MAML3: variants seen among roughly 807,000 people sequenced by gnomAD.
MAML3 encodes the protein mastermind-like protein 3.
Under a neutral mutation model 101.9 loss-of-function variants are expected in MAML3, and 27 were observed. The observed-to-expected ratio is 0.27, with a 90% CI of 0.20 to 0.37. The LOEUF is 0.37. Among genes scored for constraint, MAML3 ranks in the 10% least tolerant of loss-of-function variants. The probability of loss-of-function intolerance (pLI) is 1.00; values close to 1 mark genes in which losing one functional copy is unlikely to be tolerated. For synonymous variants in MAML3, 501 were observed against 555.9 expected (o/e 0.90, Z 1.39); for missense variants, 1,316 against 1,444.9 (o/e 0.91, Z 1.45).
At chr4:140,124,873 T>A (rs901435299) in intron 1 of MAML3, among the ~76,000 whole-genome samples, 13 of 152,286 alleles carry the variant, frequency 8.5e-5, no homozygotes, top group Admixed American at 8.5e-4. Flanking sequence ...AATTCCAGTA[T>A]CTGAAACTCA....
chr4:140,044,739 G>A (rs990761541), intron 1 of MAML3, among the ~76,000 whole-genome samples: 2 of 152,142 alleles, frequency 1.3e-5, no homozygotes, highest in East Asian at 3.8e-4. Flanking sequence ...GGACATGTGT[G>A]AACTGACGTC....
intron 1 of MAML3, among the ~76,000 whole-genome samples, chr4:140,092,307 C>T (rs1728074012): frequency 6.6e-6 from 1 of 151,902 alleles, no homozygotes; most frequent in African/African-American, 2.4e-5. Flanking sequence ...ATCATTCTAC[C>T]AGAATCAAGG....
At chr4:140,137,289 AAAG>A (rs1242571738) in intron 1 of MAML3, among the ~76,000 whole-genome samples, 2 of 152,218 alleles carry the variant, frequency 1.3e-5, no homozygotes, top group Non-Finnish European at 2.9e-5. Context: ...CGCCCGGCCT[AAAG>A]AAGATTTTTT....
At chr4:139,764,819 G>A (rs1729824716) in intron 2 of MAML3, among the ~76,000 whole-genome samples, 1 of 152,216 alleles carries the variant, frequency 6.6e-6, no homozygotes. Flanking sequence ...GAGAGCAGCA[G>A]GGGCCACAGG....
intron 2 of MAML3, among the ~76,000 whole-genome samples, chr4:139,795,889 T>C (rs1259836877): frequency 6.6e-6 from 1 of 152,214 alleles, no homozygotes; most frequent in Non-Finnish European, 1.5e-5. Context: ...CACATGTAAA[T>C]ACACACATTC....
chr4:140,118,165 T>G (rs1025047871), intron 1 of MAML3, among the ~76,000 whole-genome samples: 2 of 140,794 alleles, frequency 1.4e-5, no homozygotes, highest in Non-Finnish European at 1.6e-5. Flanking sequence ...TGTGGGTTTG[T>G]TTTTTTTTTT....
intron 1 of MAML3, among the ~76,000 whole-genome samples, chr4:139,919,000 T>C (rs530672465): frequency 1.3e-5 from 2 of 152,290 alleles, no homozygotes; most frequent in East Asian, 3.9e-4. Context: ...AAAGACATTA[T>C]CCATGTCTCT....
chr4:140,097,301 C>A (rs1052389511), intron 1 of MAML3, among the ~76,000 whole-genome samples: 5 of 152,190 alleles, frequency 3.3e-5, no homozygotes, highest in African/African-American at 1.2e-4. Flanking sequence ...AACCCACTCT[C>A]CTCAGTCTCT....
At chr4:139,843,979 T>G (rs143252218) in intron 2 of MAML3, among the ~76,000 whole-genome samples, 1 of 152,336 alleles carries the variant, frequency 6.6e-6, no homozygotes, top group Non-Finnish European at 1.5e-5. Context: ...CATTTTTAAA[T>G]TATAATGACT....
At chr4:139,865,051 T>C (rs4863695) in intron 2 of MAML3, among the ~76,000 whole-genome samples, 8 of 150,840 alleles carry the variant, frequency 5.3e-5, no homozygotes, top group Non-Finnish European at 1.2e-4. Flanking sequence ...AATTATAATG[T>C]TGAAATATCA....
chr4:139,907,542 T>G (rs1732842238), intron 1 of MAML3, among the ~76,000 whole-genome samples: 1 of 152,228 alleles, frequency 6.6e-6, no homozygotes, highest in African/African-American at 2.4e-5. Context: ...CACAATTATC[T>G]TTTATAAAAA....
intron 1 of MAML3, among the ~76,000 whole-genome samples, chr4:140,052,736 T>C (rs774179781): frequency 1.3e-5 from 2 of 152,124 alleles, no homozygotes; most frequent in African/African-American, 4.8e-5. Flanking sequence ...AGTTTCACCA[T>C]GTTGCCCAGG....
chr4:139,960,514 C>T (rs189192131), intron 1 of MAML3, among the ~76,000 whole-genome samples: 4 of 152,270 alleles, frequency 2.6e-5, no homozygotes, highest in East Asian at 1.9e-4. Context: ...TATGGAGACA[C>T]GTTCCAATTT....
At chr4:139,900,634 G>A (rs544877064) in intron 1 of MAML3, among the ~76,000 whole-genome samples, 4 of 152,274 alleles carry the variant, frequency 2.6e-5, no homozygotes, top group Admixed American at 6.5e-5. Context: ...AACTCTATAC[G>A]TGCAGTTTAA....
intron 2 of MAML3, among the ~76,000 whole-genome samples, chr4:139,802,142 T>C (rs988563058): frequency 6.6e-6 from 1 of 152,140 alleles, no homozygotes; most frequent in South Asian, 2.1e-4. Flanking sequence ...CCAGCTCCAC[T>C]GGGGTCCAGT....
intron 1 of MAML3, among the ~76,000 whole-genome samples, chr4:140,084,379 C>T (rs7697146): frequency 0.95 from 145,219 of 152,236 alleles, 69,611 homozygotes; most frequent in East Asian, 1. Flanking sequence ...ACGTGCACAA[C>T]CTAATGTGCA....
chr4:139,741,964 C>T (rs577487092), intron 2 of MAML3, among the ~76,000 whole-genome samples: 1 of 152,168 alleles, frequency 6.6e-6, no homozygotes, highest in South Asian at 2.1e-4. Context: ...CAGGTATTTT[C>T]TTAACCTTGA....
At chr4:139,966,694 T>C (rs1000122189) in intron 1 of MAML3, among the ~76,000 whole-genome samples, 54 of 152,262 alleles carry the variant, frequency 3.5e-4, no homozygotes, top group East Asian at 9.7e-4. Context: ...CAGAGCAAAA[T>C]TGCTAACATT....
chr4:140,066,375 G>T (rs1421555141), intron 1 of MAML3, among the ~76,000 whole-genome samples: 6 of 152,172 alleles, frequency 3.9e-5, no homozygotes, highest in African/African-American at 1.4e-4. Flanking sequence ...ATAAAGGCCA[G>T]CTCCTGATAT....
Sources: allele counts gnomAD v4.1 joint callset (sites outside exome capture counted in the v4.1 genomes callset), GRCh38; gene constraint gnomAD v4.1.1; transcripts MANE v1.5; gene names NCBI Gene and HGNC (gene_info 2026-07-23, HGNC 2026-07-21).